Variants in CDK13 observed in about 807,000 individuals in gnomAD.
The protein encoded by CDK13 is cyclin dependent kinase 13.
CDK13 carries 40 observed loss-of-function variants against 137.6 expected under a neutral mutation model. The observed-to-expected ratio is 0.29, with a 90% CI of 0.23 to 0.38. The LOEUF (loss-of-function observed/expected upper bound fraction) is 0.38. Ranked by LOEUF, CDK13 falls within the 10% of genes least tolerant of loss-of-function variation. The pLI is 1.00. For synonymous variants in CDK13, 869 were observed against 760.1 expected (o/e 1.14, Z -2.36); for missense variants, 1,704 against 1,951.8 (o/e 0.87, Z 2.39).
Position 39,951,762 on chromosome 7 carries a change from G to T in CDK13, c.1121G>T (p.Ser374Ile). The change falls in exon 1 of 14, where the codon AGC becomes ATC. Residue 374 changes from serine (S) to isoleucine (I), a missense_variant. Around this residue, in one of 5 missense-constraint regions of CDK13, gnomAD observed 1,051 missense variants for 931.0 expected, o/e 1.13. Coordinates refer to ENST00000181839, the MANE Select transcript of CDK13 (RefSeq NM_003718.5). ...RRRSPSYSRH[S>I]SYERGGDVSP... Reference sequence around the variant, plus strand: ...CGCTCCCCCAGCTACAGCCGCCACAGCTCCTACGAGCGGGGCGGCGACGTG... The same window carrying T: ...CGCTCCCCCAGCTACAGCCGCCACATCTCCTACGAGCGGGGCGGCGACGTG... 1 of 1,485,894 alleles carries T rather than the reference G, an allele frequency of 6.7e-7. No homozygotes were observed. The highest frequency in any genetic ancestry group is 1.8e-4 in the Middle Eastern group (1 of 5,554). 92.0% of individuals were successfully genotyped at this position (1,485,894 alleles called of 1,614,324 possible).
intron 2 of CDK13, among the ~76,000 whole-genome samples, chr7:39,994,200 A>G (rs1185107663): frequency 6.6e-6 from 1 of 151,868 alleles, no homozygotes; most frequent in Non-Finnish European, 1.5e-5. Flanking sequence ...TTCCATTTTT[A>G]TCTAGTCAAA....
chr7:40,006,011 C>T (rs993824154), intron 5 of CDK13, among the ~76,000 whole-genome samples: 13 of 152,230 alleles, frequency 8.5e-5, no homozygotes, highest in Admixed American at 2.6e-4. Flanking sequence ...CGTGAGTCAT[C>T]ACACTTGGCC....
chr7:40,009,526 G>A (rs962868441), intron 5 of CDK13, among the ~76,000 whole-genome samples: 1 of 152,204 alleles, frequency 6.6e-6, no homozygotes, highest in Non-Finnish European at 1.5e-5. Flanking sequence ...ATCAATCCTA[G>A]CAGTCAGTGG....
chr7:39,976,325 A>ATTCT (rs1784110867), intron 1 of CDK13, among the ~76,000 whole-genome samples: 1 of 29,818 alleles, frequency 3.4e-5, no homozygotes. Flanking sequence ...TCTCTCTCTC[A>ATTCT]CACACACACA....
chr7:40,020,177 C>T (rs1365946573), intron 5 of CDK13, among the ~76,000 whole-genome samples: 2 of 152,248 alleles, frequency 1.3e-5, no homozygotes, highest in East Asian at 3.9e-4. Context: ...AAGGGATTCT[C>T]CTGCTTCAGC....
intron 6 of CDK13, 39 bp from the exon 7 acceptor site, chr7:40,047,782 A>G (rs779728531): frequency 5.6e-6 from 8 of 1,439,194 alleles, no homozygotes; most frequent in Non-Finnish European, 7.8e-6. Flanking sequence ...ATTAAGAGTA[A>G]ATTAATACCT....
chr7:40,072,258 C>G (rs1386189271), intron 9 of CDK13: 1 of 152,328 alleles, frequency 6.6e-6, no homozygotes, highest in Non-Finnish European at 1.5e-5. Flanking sequence ...TCCTGAGTAG[C>G]TGGGACTACA....
At chr7:39,967,010 C>T (rs1237171573) in intron 1 of CDK13, among the ~76,000 whole-genome samples, 1 of 152,146 alleles carries the variant, frequency 6.6e-6, no homozygotes, top group Non-Finnish European at 1.5e-5. Flanking sequence ...TGTGAGGTGT[C>T]AGTCTGCCCC....
At chr7:40,086,523 T>C (rs1786791035) in intron 11 of CDK13, among the ~76,000 whole-genome samples, 1 of 152,146 alleles carries the variant, frequency 6.6e-6, no homozygotes, top group Non-Finnish European at 1.5e-5. Flanking sequence ...GAAGAAAGCA[T>C]TTATAAACCA....
Position 39,950,620 on chromosome 7 carries a change from G to C in CDK13, c.-22G>C, listed in dbSNP as rs1277947599. ...CGGGAGGAGGCCGCACCCGCGCCGC[G>C]CTCTGCGGCTGGCTCTAGGCGATGC... On this transcript the variant is annotated 5_prime_UTR_variant, in exon 1 of 14. Coordinates refer to ENST00000181839, the MANE Select transcript of CDK13 (RefSeq NM_003718.5). 7.8e-7 allele frequency: 1 copy of C among 1,289,074 alleles called. No individual in the cohort carries two copies. Among genetic ancestry groups the C allele is most frequent in the Non-Finnish European group, 9.8e-7 (1 of 1,018,592 alleles). The allele number at this position is 1,289,074 out of a possible 1,614,324, so 79.9% of individuals were successfully genotyped here.
At chr7:40,086,350 A>G (rs1562766761) in intron 11 of CDK13, among the ~76,000 whole-genome samples, 2 of 152,314 alleles carry the variant, frequency 1.3e-5, no homozygotes, top group South Asian at 2.1e-4. Flanking sequence ...CCTAGAGGTA[A>G]ACAGATCCAG....
intron 2 of CDK13, among the ~76,000 whole-genome samples, chr7:39,989,932 G>A (rs886347149): frequency 8.7e-5 from 10 of 114,612 alleles, no homozygotes; most frequent in African/African-American, 2.0e-4. Context: ...ACAGGCGCCC[G>A]CCACCAAGCC....
intron 1 of CDK13, among the ~76,000 whole-genome samples, chr7:39,960,250 A>G (rs1241126691): frequency 6.6e-6 from 1 of 151,424 alleles, no homozygotes; most frequent in Non-Finnish European, 1.5e-5. Context: ...ACAGAATCAA[A>G]TACTTTTTTT....
Position 40,098,435 on chromosome 7 carries a change from CCTT to C in CDK13, c.*3459_*3461del, listed in dbSNP as rs1290570706. 6.6e-6 allele frequency: 1 copy of C among 150,682 alleles called. No homozygotes were observed. The highest frequency in any genetic ancestry group is 2.4e-5 in the African/African-American group (1 of 41,060). The allele number at this position is 150,682 out of a possible 1,614,324, so 9.3% of individuals were successfully genotyped here. A position where few individuals can be genotyped will look rare whatever the true frequency, so the allele number is the denominator to read the frequency against. On this transcript the variant is annotated 3_prime_UTR_variant, in exon 14 of 14. Transcript: ENST00000181839. ...TGCTTTCTTTTCCAAAAAGGTGAAT[CCTT>C]CTTGTAGGACATAGGTAAAAAAAAC...
intron 1 of CDK13, among the ~76,000 whole-genome samples, chr7:39,961,215 C>A (rs1200165946): frequency 6.6e-6 from 1 of 152,056 alleles, no homozygotes; most frequent in African/African-American, 2.4e-5. Flanking sequence ...AAAACATAGC[C>A]AAGCATGGTG....
At position 40,001,958 on chromosome 7, in the gene CDK13, C is replaced by T. The variant is rs55838651; in HGVS notation, c.2280C>T (p.Thr760=). Residue 760 remains threonine, a synonymous_variant, in exon 5 of 14, where the codon ACC becomes ACT. Coordinates refer to ENST00000181839, the MANE Select transcript of CDK13 (RefSeq NM_003718.5). The part of the protein sequence containing the change: ...IREIKILRQL[T]HQSIINMKEI... ...AAATTAAAATTCTCCGGCAGCTTAC[C>T]CATCAGAGTATTATCAATATGAAGG... 3.0e-5 allele frequency: 49 copies of T among 1,609,938 alleles called. No individual in the cohort carries two copies. The highest frequency in any genetic ancestry group is 4.1e-5 in the Non-Finnish European group (48 of 1,176,662).
chr7:40,007,873 G>A (rs1260309709), intron 5 of CDK13, among the ~76,000 whole-genome samples: 1 of 152,220 alleles, frequency 6.6e-6, no homozygotes, highest in Non-Finnish European at 1.5e-5. Context: ...GTGAATGAAT[G>A]AAATGGAGAG....
chr7:40,065,024 G>T (rs1202197957), intron 9 of CDK13, among the ~76,000 whole-genome samples: 1 of 125,822 alleles, frequency 7.9e-6, no homozygotes, highest in Non-Finnish European at 1.6e-5. Flanking sequence ...GCCCAGGCTG[G>T]TCTCCAACTC....
intron 2 of CDK13, among the ~76,000 whole-genome samples, chr7:39,991,010 G>C (rs1020068467): frequency 6.6e-6 from 1 of 150,966 alleles, no homozygotes; most frequent in Non-Finnish European, 1.5e-5. Flanking sequence ...GTAACGAATA[G>C]ACCTAGTGCT....
Sources: allele counts gnomAD v4.1 joint callset (sites outside exome capture counted in the v4.1 genomes callset), GRCh38; gene constraint gnomAD v4.1.1; regional missense constraint gnomAD v4.1.1; transcripts MANE v1.5; gene names NCBI Gene and HGNC (gene_info 2026-07-23, HGNC 2026-07-21).